PTPRT: variants seen among roughly 807,000 people sequenced by gnomAD.
PTPRT encodes the protein protein tyrosine phosphatase receptor type T.
In PTPRT, 56 loss-of-function variants were observed where a neutral mutation model predicts 176.8. That is an observed-to-expected ratio of 0.32 (90% CI 0.26 to 0.40). The LOEUF (loss-of-function observed/expected upper bound fraction) is 0.40. PTPRT is among the 10% of genes least tolerant of loss of function. The pLI, the probability that PTPRT is intolerant of heterozygous loss-of-function variation, is 1.00. For synonymous variants in PTPRT, 783 were observed against 739.0 expected (o/e 1.06, Z -0.96); for missense variants, 1,540 against 1,908.2 (o/e 0.81, Z 3.60).
chr20:42,406,557 T>TA lies in PTPRT; in HGVS notation c.1560+41662dup, dbSNP rs529428509. ...AGATCCTTTTTTTTCCAAATGATTT[T>TA]AAAAATATATCCTTTAAGGAAAGAT... On this transcript the variant is annotated intron_variant, in intron 9 of 30. Transcript: ENST00000373187. Among the ~76,000 whole-genome samples, 1,509 of 152,158 alleles carry TA rather than the reference T, an allele frequency of 9.9e-3. 29 individuals are homozygous for TA. Among genetic ancestry groups the TA allele is most frequent in the African/African-American group, 0.035 (1,452 of 41,538 alleles).
At position 42,670,533 on chromosome 20, in the gene PTPRT, T is replaced by C. The variant is rs546631837; in HGVS notation, c.1153+7333A>G. Among the ~76,000 whole-genome samples the C allele has an allele frequency of 1.6e-4, 25 of 152,310 alleles. No individual in the cohort carries two copies. In the East Asian group the frequency reaches 1.7e-3, roughly 11 times the overall value. ...TGGAGAAAAGAGAGAGGTAGACACA[T>C]ATCACTGCAAGTAGAAATCCATAAA... On this transcript the variant is annotated intron_variant, in intron 7 of 30. Transcript: ENST00000373187.
chr20:42,686,056 C>G (rs2075685461), intron 6 of PTPRT: 1 of 152,180 alleles, frequency 6.6e-6, no homozygotes. Flanking sequence ...CAAAGACCTC[C>G]ACTGTGAGTT....
rs1003648862 is a variant in PTPRT, at chr20:42,547,060, C to T, written c.1154-74498G>A. 3.0e-4 allele frequency among the ~76,000 whole-genome samples: 46 copies of T among 152,084 alleles called. 1 individual carries two copies. Among genetic ancestry groups the T allele is most frequent in the Non-Finnish European group, 1.5e-5 (1 of 67,984 alleles). On this transcript the variant is annotated intron_variant, in intron 7 of 30. Coordinates refer to ENST00000373187, the MANE Select transcript of PTPRT (RefSeq NM_007050.6). ...TTGCTTGATTCAGGGTTGCCACAAA[C>T]CTTCAATTTGTAAAAACATACAATA...
At chr20:42,816,089 TA>T (rs895041411) in intron 2 of PTPRT, among the ~76,000 whole-genome samples, 2 of 152,214 alleles carry the variant, frequency 1.3e-5, no homozygotes, top group African/African-American at 4.8e-5. Flanking sequence ...CCAGTAATAC[TA>T]ACTGTGAAAA....
At chr20:42,791,971 T>G (rs1260823748) in intron 2 of PTPRT, among the ~76,000 whole-genome samples, 1 of 152,224 alleles carries the variant, frequency 6.6e-6, no homozygotes, top group Non-Finnish European at 1.5e-5. Context: ...CTCCACCATA[T>G]GACTTGTTTT....
chr20:43,086,808 G>A (rs961955016), intron 1 of PTPRT, among the ~76,000 whole-genome samples: 17 of 152,144 alleles, frequency 1.1e-4, no homozygotes, highest in Non-Finnish European at 1.5e-5. Flanking sequence ...GGCTGGGAGG[G>A]AAGAATTGCT....
intron 2 of PTPRT, among the ~76,000 whole-genome samples, chr20:42,807,497 G>T (rs1302510869): frequency 6.6e-6 from 1 of 152,082 alleles, no homozygotes; most frequent in African/African-American, 2.4e-5. Flanking sequence ...GCTCTCTGTG[G>T]CACTGTCTCA....
chr20:42,613,177 T>C (rs1388304765), intron 7 of PTPRT, among the ~76,000 whole-genome samples: 1 of 152,242 alleles, frequency 6.6e-6, no homozygotes, highest in Non-Finnish European at 1.5e-5. Flanking sequence ...CTGCGGCCAG[T>C]TGTACAGTAA....
chr20:42,899,730 C>T (rs886374276), intron 1 of PTPRT, among the ~76,000 whole-genome samples: 3 of 152,174 alleles, frequency 2.0e-5, no homozygotes, highest in Admixed American at 6.5e-5. Flanking sequence ...TTGAGGGAAA[C>T]TCTTTAAATG....
intron 16 of PTPRT, among the ~76,000 whole-genome samples, chr20:42,179,268 G>GT (rs1441804375): frequency 6.6e-6 from 1 of 152,220 alleles, no homozygotes; most frequent in Non-Finnish European, 1.5e-5. Context: ...GCTTTGCCAA[G>GT]TATTCCAAGG....
chr20:42,479,480 G>A (rs230154), intron 7 of PTPRT, among the ~76,000 whole-genome samples: 11,308 of 152,204 alleles, frequency 0.074, 479 homozygotes, highest in Middle Eastern at 0.1. Context: ...CCATTAATTT[G>A]CACTTTCTGC....
At chr20:42,162,334 G>A (rs1311736907) in intron 16 of PTPRT, among the ~76,000 whole-genome samples, 4 of 152,164 alleles carry the variant, frequency 2.6e-5, no homozygotes, top group Non-Finnish European at 5.9e-5. Context: ...CCCTGATGTA[G>A]GATCTATATT....
chr20:43,037,994 C>T (rs1471861309), intron 1 of PTPRT, among the ~76,000 whole-genome samples: 1 of 152,166 alleles, frequency 6.6e-6, no homozygotes, highest in South Asian at 2.1e-4. Context: ...GGAAACCCAT[C>T]GTAAGACAGT....
At chr20:42,972,106 G>C (rs1161225612) in intron 1 of PTPRT, among the ~76,000 whole-genome samples, 6 of 148,530 alleles carry the variant, frequency 4.0e-5, no homozygotes, top group Admixed American at 4.0e-4. Context: ...TACTTGTCGT[G>C]AAATCTAAAT....
intron 7 of PTPRT, among the ~76,000 whole-genome samples, chr20:42,546,525 C>T (rs1468596392): frequency 1.3e-5 from 2 of 152,040 alleles, no homozygotes; most frequent in Non-Finnish European, 2.9e-5. Flanking sequence ...GAGTCCTTCT[C>T]AGGCCATATT....
intron 18 of PTPRT, among the ~76,000 whole-genome samples, chr20:42,130,130 G>T (rs1206509893): frequency 6.6e-6 from 1 of 152,190 alleles, no homozygotes; most frequent in African/African-American, 2.4e-5. Context: ...TTTCCAAAGG[G>T]GGTGTAAGCA....
rs2076252 is a variant in PTPRT, at chr20:42,102,336, T to A, written c.3541-39A>T. On this transcript the variant is annotated intron_variant, in intron 25 of 30. Transcript: ENST00000373187. ...AGGTGAATAGATAGGCCCTGCTCAT[T>A]TGGCTGCCCCTGAGCAAAAGAGACA... 0.025 allele frequency: 39,069 copies of A among 1,591,412 alleles called. 3,310 individuals carry two copies. The African/African-American group carries it at 0.27, about 11-fold the overall frequency.
At chr20:42,599,270 A>C (rs1349747369) in intron 7 of PTPRT, among the ~76,000 whole-genome samples, 1 of 152,090 alleles carries the variant, frequency 6.6e-6, no homozygotes, top group East Asian at 1.9e-4. Context: ...AAAACATGAC[A>C]ACTTCAGGTT....
chr20:42,225,699 C>T (rs1373447343), intron 15 of PTPRT, among the ~76,000 whole-genome samples: 2 of 152,192 alleles, frequency 1.3e-5, no homozygotes, highest in African/African-American at 4.8e-5. Context: ...GTCGCCCAGG[C>T]TGGAGCGCAG....
Sources: allele counts gnomAD v4.1 joint callset (sites outside exome capture counted in the v4.1 genomes callset), GRCh38; gene constraint gnomAD v4.1.1; transcripts MANE v1.5; gene names NCBI Gene and HGNC (gene_info 2026-07-23, HGNC 2026-07-21).